Variants in NUMB observed in about 807,000 individuals in gnomAD.
NUMB encodes the protein NUMB endocytic adaptor protein, also known as protein numb homolog.
NUMB carries 29 observed loss-of-function variants against 59.7 expected under a neutral mutation model. The ratio of observed to expected loss-of-function variants is 0.49; its 90% CI spans 0.36 to 0.66. The LOEUF (loss-of-function observed/expected upper bound fraction) is 0.66. NUMB is among the 30% of genes least tolerant of loss of function. NUMB has a pLI of 0.00. For missense variants in NUMB, 723 were observed against 822.0 expected (o/e 0.88, Z 1.47); for synonymous variants, 288 against 288.2 (o/e 1.00, Z 0.01).
At chr14:73,337,520 T>C (rs1018726382) in intron 4 of NUMB, among the ~76,000 whole-genome samples, 4 of 152,112 alleles carry the variant, frequency 2.6e-5, no homozygotes, top group African/African-American at 9.7e-5. Context: ...TGTATCTATA[T>C]CTACATCTTA....
chr14:73,410,020 G>C lies in NUMB; in HGVS notation c.-184C>G, dbSNP rs987693178. On this transcript the variant is annotated 5_prime_UTR_variant, in exon 2 of 13. Coordinates refer to ENST00000555238, the MANE Select transcript of NUMB (RefSeq NM_001005743.2). Reference sequence around the variant, plus strand: ...TAGATCAAGATCTTGAATTGTAACAGTGGCTGCACTGGCACTCTTCCCCGG... The same window carrying C: ...TAGATCAAGATCTTGAATTGTAACACTGGCTGCACTGGCACTCTTCCCCGG... The C allele has an allele frequency of 1.3e-5, 2 of 152,224 alleles. No homozygotes were observed. Among genetic ancestry groups the C allele is most frequent in the Non-Finnish European group, 2.9e-5 (2 of 68,046 alleles). The allele number at this position is 152,224 out of a possible 1,614,324, so 9.4% of individuals were successfully genotyped here.
At chr14:73,336,289 C>T (rs1892309263) in intron 4 of NUMB, among the ~76,000 whole-genome samples, 1 of 152,132 alleles carries the variant, frequency 6.6e-6, no homozygotes, top group Admixed American at 6.6e-5. Flanking sequence ...CATTATTCTT[C>T]TTTAAAACAA....
At chr14:73,364,578 T>C (rs1003105050) in intron 3 of NUMB, among the ~76,000 whole-genome samples, 4 of 152,140 alleles carry the variant, frequency 2.6e-5, no homozygotes, top group African/African-American at 4.8e-5. Context: ...TTAGTCATAA[T>C]AGTGAAACAA....
At position 73,445,354 on chromosome 14, in the gene NUMB, C is replaced by CAAAAAAAAAAAAAAAAAAAAAA. The variant is rs752154048; in HGVS notation, c.-233+13117_-233+13138dup. Among the ~76,000 whole-genome samples, 4 of 57,578 alleles carry CAAAAAAAAAAAAAAAAAAAAAA rather than the reference C, an allele frequency of 6.9e-5. 1 individual carries two copies. The highest frequency in any genetic ancestry group is 1.3e-4 in the Non-Finnish European group (4 of 30,718). 37.8% of individuals were successfully genotyped at this position (57,578 alleles called of 152,430 possible). A position where few individuals can be genotyped will look rare whatever the true frequency, so the allele number is the denominator to read the frequency against. The stretch of plus-strand genomic sequence containing the variant: ...TGAGTGACAAAGTGAGACCCTGTCT[C>CAAAAAAAAAAAAAAAAAAAAAA]AAAAAAAAAAAAAAAAAAAAAAAAA... On this transcript the variant is annotated intron_variant, in intron 1 of 12. Coordinates refer to ENST00000555238, the MANE Select transcript of NUMB (RefSeq NM_001005743.2).
chr14:73,425,981 T>C (rs1897560803), intron 1 of NUMB, among the ~76,000 whole-genome samples: 1 of 151,988 alleles, frequency 6.6e-6, no homozygotes, highest in Non-Finnish European at 1.5e-5. Flanking sequence ...GCTAATTTTT[T>C]GTATTTTTAG....
intron 2 of NUMB, among the ~76,000 whole-genome samples, chr14:73,369,905 T>C (rs1481301109): frequency 6.6e-6 from 1 of 152,254 alleles, no homozygotes; most frequent in African/African-American, 2.4e-5. Flanking sequence ...CTACCAAAGA[T>C]ACCACTATCT....
chr14:73,324,696 C>A (rs1221239959), intron 4 of NUMB, among the ~76,000 whole-genome samples: 3 of 151,904 alleles, frequency 2.0e-5, no homozygotes, highest in Non-Finnish European at 4.4e-5. Flanking sequence ...CCCTGTCCTT[C>A]CCACTGACTG....
chr14:73,386,607 C>A (rs1412981744), intron 2 of NUMB, among the ~76,000 whole-genome samples: 1 of 152,086 alleles, frequency 6.6e-6, no homozygotes, highest in African/African-American at 2.4e-5. Context: ...CCCTTAGGCT[C>A]CTGATTGCAA....
In NUMB at chr14:73,436,096, T is replaced by C. The variant is rs184207098; in HGVS notation, c.-233+22397A>G. On this transcript the variant is annotated intron_variant, in intron 1 of 12. Transcript: ENST00000555238. ...TCATAAAATGACATATTGTGTCACTTAGAAATTATCTGTTGTCTACAATAA... is the reference window on the plus strand; with the variant it reads ...TCATAAAATGACATATTGTGTCACTCAGAAATTATCTGTTGTCTACAATAA... Among the ~76,000 whole-genome samples the C allele has an allele frequency of 2.6e-3, 402 of 152,280 alleles. 2 individuals carry two copies. Among genetic ancestry groups the C allele is most frequent in the African/African-American group, 9.3e-3 (385 of 41,568 alleles).
rs777169006 is a variant in NUMB at position 73,284,389 on chromosome 14, G to C, written c.656-15C>G. 1 of 1,603,354 alleles carries C rather than the reference G, an allele frequency of 6.2e-7. No homozygotes were observed. The highest frequency in any genetic ancestry group is 8.5e-7 in the Non-Finnish European group (1 of 1,173,496). ...ATCTGTTTCAGCTCAAGAAAATAAA[G>C]AGAATGAAGACCTTAGCAATGTCTT... On this transcript the variant is annotated splice_polypyrimidine_tract_variant and intron_variant, in intron 9 of 12. Transcript: ENST00000555238.
chr14:73,311,884 G>A (rs865797756), intron 6 of NUMB, among the ~76,000 whole-genome samples: 9 of 152,090 alleles, frequency 5.9e-5, no homozygotes, highest in Non-Finnish European at 1.2e-4. Context: ...TCTATTTCTC[G>A]TAGATTAGGG....
chr14:73,413,121 G>A (rs1896968501), intron 1 of NUMB, among the ~76,000 whole-genome samples: 1 of 151,288 alleles, frequency 6.6e-6, no homozygotes, highest in African/African-American at 2.4e-5. Context: ...GTCTTGCTCT[G>A]TCACCCAGGC....
At chr14:73,352,147 A>G (rs1445545820) in intron 4 of NUMB, among the ~76,000 whole-genome samples, 1 of 151,876 alleles carries the variant, frequency 6.6e-6, no homozygotes, top group African/African-American at 2.4e-5. Context: ...GCTTTCCTAC[A>G]GGGTCATCTC....
At chr14:73,317,368 C>A (rs547147958) in intron 5 of NUMB, among the ~76,000 whole-genome samples, 1 of 152,330 alleles carries the variant, frequency 6.6e-6, no homozygotes, top group Non-Finnish European at 1.5e-5. Flanking sequence ...GTGGCACGAT[C>A]TCAGGTCACT....
At chr14:73,416,775 G>A (rs563780395) in intron 1 of NUMB, among the ~76,000 whole-genome samples, 15 of 152,236 alleles carry the variant, frequency 9.9e-5, no homozygotes, top group Non-Finnish European at 2.1e-4. Context: ...CTGGGAGGCA[G>A]AGGTTGCAGT....
chr14:73,398,415 A>AGTGTGTGTGTGT (rs57407662), intron 2 of NUMB, among the ~76,000 whole-genome samples: 4 of 118,878 alleles, frequency 3.4e-5, no homozygotes, highest in East Asian at 2.3e-4. Flanking sequence ...AGAGAGAGAG[A>AGTGTGTGTGTGT]GTGTGTGTGT....
chr14:73,303,483 G>C (rs1890259835), intron 6 of NUMB, among the ~76,000 whole-genome samples: 1 of 152,064 alleles, frequency 6.6e-6, no homozygotes, highest in Non-Finnish European at 1.5e-5. Context: ...TGGAGGCTGT[G>C]GCAGGAGAAT....
intron 2 of NUMB, among the ~76,000 whole-genome samples, chr14:73,371,477 G>A (rs76579429): frequency 6.6e-6 from 1 of 152,012 alleles, no homozygotes; most frequent in Non-Finnish European, 1.5e-5. Context: ...GGAGCTTGCA[G>A]TGAGCCGAGA....
intron 8 of NUMB, among the ~76,000 whole-genome samples, chr14:73,287,894 T>C (rs553996370): frequency 6.6e-6 from 1 of 152,324 alleles, no homozygotes; most frequent in South Asian, 2.1e-4. Flanking sequence ...GGCTCTGTCA[T>C]GTCAGCCCTG....
Sources: gnomAD v4.1 joint callset for allele counts (sites outside exome capture counted in the v4.1 genomes callset) on GRCh38, gnomAD v4.1.1 for gene constraint, MANE v1.5 for transcripts, NCBI Gene and HGNC (gene_info 2026-07-23, HGNC 2026-07-21) for gene names.